Variants in IL1RAP observed in about 807,000 individuals in gnomAD.
IL1RAP encodes the protein interleukin 1 receptor accessory protein.
Under a neutral mutation model 60.7 loss-of-function variants are expected in IL1RAP, and 35 were observed. The ratio of observed to expected loss-of-function variants is 0.58; its 90% CI spans 0.44 to 0.76. IL1RAP has a LOEUF of 0.76. IL1RAP is among the 30% of genes least tolerant of loss of function. The probability of loss-of-function intolerance (pLI) is 0.00; values close to 1 mark genes in which losing one functional copy is unlikely to be tolerated. For missense variants in IL1RAP, 572 were observed against 693.9 expected, an observed-to-expected ratio of 0.82 and a Z score of 1.97; for synonymous variants, 268 against 250.9, an observed-to-expected ratio of 1.07 and a Z score of -0.64.
chr3:190,543,653 C>T (rs1218132987), intron 1 of IL1RAP, among the ~76,000 whole-genome samples: 2 of 152,082 alleles, frequency 1.3e-5, no homozygotes, highest in Non-Finnish European at 2.9e-5. Context: ...TAATGAAGGG[C>T]ATCCCAGGCA....
chr3:190,586,226 G>T (rs1420248659), intron 3 of IL1RAP, among the ~76,000 whole-genome samples: 2 of 152,122 alleles, frequency 1.3e-5, no homozygotes, highest in African/African-American at 2.4e-5. Flanking sequence ...TTGTGTTGTG[G>T]TTGTTTGCCT....
chr3:190,526,999 C>T (rs149267101), intron 1 of IL1RAP, among the ~76,000 whole-genome samples: 555 of 152,352 alleles, frequency 3.6e-3, no homozygotes, highest in Non-Finnish European at 6.5e-3. Flanking sequence ...TGTGTGACCA[C>T]GCTTTTTTCC....
At chr3:190,589,316 T>G (rs981853265) in intron 3 of IL1RAP, among the ~76,000 whole-genome samples, 9 of 152,160 alleles carry the variant, frequency 5.9e-5, no homozygotes, top group African/African-American at 1.9e-4. Flanking sequence ...CCCCATCATA[T>G]TCACTGCCAG....
intron 3 of IL1RAP, among the ~76,000 whole-genome samples, chr3:190,586,379 A>G (rs996090457): frequency 4.6e-5 from 7 of 152,140 alleles, no homozygotes; most frequent in African/African-American, 1.4e-4. Flanking sequence ...AGGACATGCC[A>G]TAAGCCACAG....
At position 190,620,264 on chromosome 3, in the gene IL1RAP, A is replaced by G. The variant is rs759522031; in HGVS notation, c.538-11A>G. On this transcript the variant is annotated splice_polypyrimidine_tract_variant and intron_variant, in intron 5 of 11. Coordinates refer to ENST00000447382, the MANE Select transcript of IL1RAP (RefSeq NM_002182.4). ...TAAAAAGTAAACTTTTTTTTTTTTT[A>G]CTTTTTCTAGGGCTGTTATAAAATA... The G allele has an allele frequency of 5.9e-6, 7 of 1,191,860 alleles. No individual in the cohort carries two copies. The East Asian group carries it at 1.3e-4, about 23-fold the overall frequency. 73.8% of individuals were successfully genotyped at this position (1,191,860 alleles called of 1,614,324 possible). A position where few individuals can be genotyped will look rare whatever the true frequency, so the allele number is the denominator to read the frequency against.
At chr3:190,652,066 CT>C (rs888361540), downstream of IL1RAP, among the ~76,000 whole-genome samples, 2 of 152,098 alleles carry the variant, frequency 1.3e-5, no homozygotes, top group African/African-American at 4.8e-5. Context: ...AGATGCATTT[CT>C]GTTACAAATT....
chr3:190,626,481 T>C (rs761936979), intron 7 of IL1RAP, among the ~76,000 whole-genome samples: 1 of 151,984 alleles, frequency 6.6e-6, no homozygotes, highest in Non-Finnish European at 1.5e-5. Context: ...TGCACCCTGA[T>C]AGGTGGAGCA....
chr3:190,632,782 G>C (rs763038138), intron 9 of IL1RAP, among the ~76,000 whole-genome samples: 1 of 152,064 alleles, frequency 6.6e-6, no homozygotes, highest in Non-Finnish European at 1.5e-5. Context: ...CTGAGGTACT[G>C]GGTTAATGTT....
At chr3:190,553,245 A>T (rs1725027138) in intron 1 of IL1RAP, among the ~76,000 whole-genome samples, 1 of 152,206 alleles carries the variant, frequency 6.6e-6, no homozygotes, top group Non-Finnish European at 1.5e-5. Flanking sequence ...AGCACACCAG[A>T]CTGGCTACAA....
At chr3:190,652,959 T>G (rs1024262497), downstream of IL1RAP, among the ~76,000 whole-genome samples, 1 of 152,204 alleles carries the variant, frequency 6.6e-6, no homozygotes, top group Non-Finnish European at 1.5e-5. Context: ...TCACTAGCTC[T>G]TTAACGCAAG....
chr3:190,554,324 C>T (rs1488400375), intron 1 of IL1RAP, among the ~76,000 whole-genome samples: 1 of 152,058 alleles, frequency 6.6e-6, no homozygotes, highest in Non-Finnish European at 1.5e-5. Context: ...TAGCAGGCTT[C>T]CCGCCTCACA....
At chr3:190,520,455 T>C (rs1221771061) in intron 1 of IL1RAP, 1 of 152,162 alleles carries the variant, frequency 6.6e-6, no homozygotes, top group African/African-American at 2.4e-5. Context: ...ACTAGCTCAA[T>C]GATGGGAAAA....
chr3:190,604,490 G>C, intron 4 of IL1RAP, 77 bp downstream of exon 4: 1 of 1,426,534 alleles, frequency 7.0e-7, no homozygotes, highest in Non-Finnish European at 9.5e-7. Context: ...CGTGTGCTAG[G>C]AAGCTGGGGA....
chr3:190,625,534 T>C (rs1320430008), intron 7 of IL1RAP, among the ~76,000 whole-genome samples: 1 of 152,166 alleles, frequency 6.6e-6, no homozygotes, highest in Non-Finnish European at 1.5e-5. Flanking sequence ...CAAAACTATT[T>C]TGAGAATTTT....
At chr3:190,615,505 A>G (rs1256890760) in intron 5 of IL1RAP, among the ~76,000 whole-genome samples, 2 of 152,234 alleles carry the variant, frequency 1.3e-5, no homozygotes, top group Non-Finnish European at 2.9e-5. Flanking sequence ...TTATAAAAGC[A>G]TAGACAATTT....
chr3:190,549,540 G>A (rs944202496), intron 1 of IL1RAP, among the ~76,000 whole-genome samples: 1 of 152,198 alleles, frequency 6.6e-6, no homozygotes, highest in African/African-American at 2.4e-5. Flanking sequence ...AGAAGAGACA[G>A]ACTGGGTTAT....
intron 9 of IL1RAP, among the ~76,000 whole-genome samples, chr3:190,634,364 G>A (rs888872490): frequency 1.4e-5 from 2 of 146,146 alleles, no homozygotes; most frequent in African/African-American, 5.1e-5. Context: ...TCTCGGCTCA[G>A]TGCAACCTCC....
At position 190,531,573 on chromosome 3, in the gene IL1RAP, G is replaced by C. The variant is rs1318783528; in HGVS notation, c.-89+17354G>C. 2.0e-5 allele frequency among the ~76,000 whole-genome samples: 3 copies of C among 152,136 alleles called. 1 individual carries two copies. Among genetic ancestry groups the C allele is most frequent in the Non-Finnish European group, 2.9e-5 (2 of 68,030 alleles). The stretch of plus-strand genomic sequence containing the variant: ...CACTTCCCGGCACATACTCCTGAAT[G>C]TTTAAAAACCAACCATATCTCTTGG... On this transcript the variant is annotated intron_variant, in intron 1 of 11. Coordinates refer to ENST00000447382, the MANE Select transcript of IL1RAP (RefSeq NM_002182.4).
At chr3:190,585,176 C>T (rs1346932716) in intron 3 of IL1RAP, among the ~76,000 whole-genome samples, 3 of 152,148 alleles carry the variant, frequency 2.0e-5, no homozygotes, top group Non-Finnish European at 2.9e-5. Flanking sequence ...TCCCTCTTTA[C>T]AGCCTCATGT....
Sources: gnomAD v4.1 joint callset for allele counts (sites outside exome capture counted in the v4.1 genomes callset) on GRCh38, gnomAD v4.1.1 for gene constraint, MANE v1.5 for transcripts, NCBI Gene and HGNC (gene_info 2026-07-23, HGNC 2026-07-21) for gene names.